PRKN: variants seen among roughly 807,000 people sequenced by gnomAD.
PRKN encodes the protein E3 ubiquitin-protein ligase parkin.
PRKN carries 56 observed loss-of-function variants against 59.5 expected under a neutral mutation model. That is an observed-to-expected ratio of 0.94 (90% CI 0.76 to 1.18). The LOEUF (loss-of-function observed/expected upper bound fraction) is 1.18. Ranked by LOEUF, PRKN falls within the 50% of genes most tolerant of loss-of-function variation. PRKN has a pLI of 0.00. For missense variants in PRKN, 657 were observed against 596.4 expected, an observed-to-expected ratio of 1.10 and a Z score of -1.06; for synonymous variants, 250 against 222.1, an observed-to-expected ratio of 1.13 and a Z score of -1.12.
chr6:161,899,684 A>G (rs1312326301), intron 6 of PRKN, among the ~76,000 whole-genome samples: 1 of 152,176 alleles, frequency 6.6e-6, no homozygotes, highest in African/African-American at 2.4e-5. Context: ...ATCAACAACT[A>G]CTTACCAAAC....
In PRKN at chr6:161,530,619, C is replaced by T. The variant is rs142218164; in HGVS notation, c.1083+18235G>A. ...GCAACCTCCACCTCCCAGGTTCAAG[C>T]GCTTCTCCTGCCTAGCCTCCCAAGT... On this transcript the variant is annotated intron_variant, in intron 9 of 11. Coordinates refer to ENST00000366898, the MANE Select transcript of PRKN (RefSeq NM_004562.3). This position sits in a 1 kb window ranked among gnomAD's most constrained non-coding sequence, Gnocchi z 5.0. 7.6e-4 allele frequency among the ~76,000 whole-genome samples: 116 copies of T among 151,960 alleles called. No individual in the cohort carries two copies. Among genetic ancestry groups the T allele is most frequent in the African/African-American group, 2.6e-3 (109 of 41,440 alleles).
chr6:161,413,273 G>A lies in PRKN; in HGVS notation c.1084-26396C>T, dbSNP rs145145147. 9.8e-4 allele frequency among the ~76,000 whole-genome samples: 149 copies of A among 152,226 alleles called. 1 individual carries two copies. The East Asian group carries it at 0.025, about 25-fold the overall frequency. ...GTCTGGAGGGTCTGTAAGACTCCCC[G>A]TGACATTCCTGTTCCTTGTTCCACT... On this transcript the variant is annotated intron_variant, in intron 9 of 11. Coordinates refer to ENST00000366898, the MANE Select transcript of PRKN (RefSeq NM_004562.3). The surrounding 1 kb of genome is among the most constrained non-coding windows in gnomAD (Gnocchi z 4.4).
At chr6:161,785,751 G>A (rs769355564) in intron 7 of PRKN, 21 bp downstream of exon 7, 6 of 1,612,436 alleles carry the variant, frequency 3.7e-6, no homozygotes, top group Non-Finnish European at 5.1e-6. Flanking sequence ...TAGAGATGGA[G>A]AGAAAACATG....
chr6:161,973,474 T>A, intron 5 of PRKN, 57 bp from the exon 6 acceptor site: 1 of 934,252 alleles, frequency 1.1e-6, no homozygotes, highest in Non-Finnish European at 1.7e-6. Context: ...ATTTTTCCTC[T>A]AAATGTTTCC....
chr6:161,366,361 G>A (rs1177491550), intron 10 of PRKN, among the ~76,000 whole-genome samples: 1 of 152,068 alleles, frequency 6.6e-6, no homozygotes, highest in Non-Finnish European at 1.5e-5. Flanking sequence ...CGAGGCACAC[G>A]TGAGCCAAGG....
At chr6:161,704,359 C>G (rs1191849475) in intron 7 of PRKN, among the ~76,000 whole-genome samples, 1 of 152,106 alleles carries the variant, frequency 6.6e-6, no homozygotes, top group African/African-American at 2.4e-5. Context: ...GCTAACTAAC[C>G]TAATTTCCCC....
intron 1 of PRKN, among the ~76,000 whole-genome samples, chr6:162,557,352 GCC>G (rs1779649896): frequency 6.6e-6 from 1 of 152,176 alleles, no homozygotes; most frequent in South Asian, 2.1e-4. Context: ...GCTTCCCTGA[GCC>G]TAGTCCCAAC....
chr6:162,496,287 T>C (rs1008847618), intron 1 of PRKN, among the ~76,000 whole-genome samples: 2 of 152,140 alleles, frequency 1.3e-5, no homozygotes, highest in African/African-American at 4.8e-5. Context: ...TGATTGATTG[T>C]AGAGAATTCT....
intron 7 of PRKN, among the ~76,000 whole-genome samples, chr6:161,730,522 T>C (rs112347097): frequency 0.18 from 26,925 of 148,740 alleles, 6,762 homozygotes; most frequent in African/African-American, 0.56. Flanking sequence ...CATTCTGAAG[T>C]GTTGCATTCT....
chr6:161,635,513 G>T (rs1783480331), intron 7 of PRKN, among the ~76,000 whole-genome samples: 1 of 152,178 alleles, frequency 6.6e-6, no homozygotes, highest in African/African-American at 2.4e-5. Flanking sequence ...CATGTGAGAG[G>T]CAATCTCTAT....
chr6:162,231,515 A>G (rs1425855642), intron 3 of PRKN, among the ~76,000 whole-genome samples: 2 of 152,196 alleles, frequency 1.3e-5, no homozygotes, highest in Non-Finnish European at 2.9e-5. Flanking sequence ...GAACTGCAAC[A>G]AAGTGATAAG....
At chr6:162,065,778 A>T (rs1241684372) in intron 4 of PRKN, among the ~76,000 whole-genome samples, 1 of 151,950 alleles carries the variant, frequency 6.6e-6, no homozygotes, top group South Asian at 2.1e-4. Flanking sequence ...TGTCCAAGTC[A>T]TCTCATTGTT....
At position 161,459,518 on chromosome 6, in the gene PRKN, C is replaced by T. The variant is rs1260903606; in HGVS notation, c.1084-72641G>A. 6.6e-6 allele frequency among the ~76,000 whole-genome samples: 1 copy of T among 152,122 alleles called. No homozygotes were observed. The highest frequency in any genetic ancestry group is 1.5e-5 in the Non-Finnish European group (1 of 68,036). On this transcript the variant is annotated intron_variant, in intron 9 of 11. Coordinates refer to ENST00000366898, the MANE Select transcript of PRKN (RefSeq NM_004562.3). This position sits in a 1 kb window ranked among gnomAD's most constrained non-coding sequence, Gnocchi z 4.8. Reference sequence around the variant, plus strand: ...GCAAAGTAGTGGGAAGGATGGAATTCCCTGAATCCCTGGATCTGTTCACAG... The same window carrying T: ...GCAAAGTAGTGGGAAGGATGGAATTTCCTGAATCCCTGGATCTGTTCACAG...
chr6:162,684,251 T>C (rs1201486279), intron 1 of PRKN, among the ~76,000 whole-genome samples: 12 of 152,078 alleles, frequency 7.9e-5, no homozygotes, highest in Non-Finnish European at 1.5e-4. Context: ...TCCTCTGATT[T>C]TTTTTTTCCA....
In PRKN at chr6:161,506,501, T is replaced by C. The variant is rs116117177; in HGVS notation, c.1083+42353A>G. Among the ~76,000 whole-genome samples the C allele has an allele frequency of 3.1e-3, 478 of 152,336 alleles. 3 individuals are homozygous for C. The highest frequency in any genetic ancestry group is 0.011 in the African/African-American group (457 of 41,580). ...TGACAATTTGACTTCCCAACTTTCATTTACGTTACCTGCAAACTCAATAGA... is the reference window on the plus strand; with the variant it reads ...TGACAATTTGACTTCCCAACTTTCACTTACGTTACCTGCAAACTCAATAGA... On this transcript the variant is annotated intron_variant, in intron 9 of 11. Transcript: ENST00000366898.
chr6:162,278,483 A>C (rs770004873), intron 2 of PRKN, among the ~76,000 whole-genome samples: 2 of 152,162 alleles, frequency 1.3e-5, no homozygotes, highest in African/African-American at 2.4e-5. Flanking sequence ...AGCTGCAAAA[A>C]ATGTACCGCT....
chr6:161,543,015 T>G (rs1055887875), intron 9 of PRKN, among the ~76,000 whole-genome samples: 1 of 152,210 alleles, frequency 6.6e-6, no homozygotes, highest in Admixed American at 6.5e-5. Flanking sequence ...CTTTTTTCCT[T>G]TTATTATTAA....
intron 10 of PRKN, among the ~76,000 whole-genome samples, chr6:161,365,099 T>G (rs1785147891): frequency 6.6e-6 from 1 of 151,994 alleles, no homozygotes; most frequent in African/African-American, 2.4e-5. Context: ...GAGAAAGCAA[T>G]TTGCTTCTAA....
At chr6:161,867,917 T>A (rs914480351) in intron 6 of PRKN, among the ~76,000 whole-genome samples, 3 of 151,716 alleles carry the variant, frequency 2.0e-5, no homozygotes, top group African/African-American at 4.8e-5. Flanking sequence ...TGCACCACCA[T>A]GCCTGGCTAA....
Sources: gnomAD v4.1 joint callset for allele counts (sites outside exome capture counted in the v4.1 genomes callset) on GRCh38, gnomAD v4.1.1 for gene constraint, Gnocchi (gnomAD v3.1) non-coding constraint, MANE v1.5 for transcripts, NCBI Gene and HGNC (gene_info 2026-07-23, HGNC 2026-07-21) for gene names.